Variants in HAUS7 observed in about 807,000 individuals in gnomAD.
The protein encoded by HAUS7 is HAUS augmin like complex subunit 7.
In HAUS7, 3 loss-of-function variants were observed where a neutral mutation model predicts 28.4. That is an observed-to-expected ratio of 0.11 (90% CI 0.05 to 0.27). The LOEUF (loss-of-function observed/expected upper bound fraction) is 0.27, where lower values mean the gene tolerates loss of function less well. HAUS7 is among the 10% of genes least tolerant of loss of function. The pLI, the probability that HAUS7 is intolerant of heterozygous loss-of-function variation, is 1.00. For missense variants in HAUS7, 284 were observed against 297.3 expected, an observed-to-expected ratio of 0.96 and a Z score of 0.33; for synonymous variants, 165 against 132.1, an observed-to-expected ratio of 1.25 and a Z score of -1.71.
At chrX:153,447,950 G>A (rs1556980366) in intron 9 of HAUS7, 41 bp from the exon 10 acceptor site, 2 of 1,063,516 alleles carry the variant, frequency 1.9e-6, no homozygotes, top group Non-Finnish European at 2.6e-6. Flanking sequence ...TGGTGGGAGT[G>A]TAAACTAGTT....
At chrX:153,491,596 C>T (rs2089671412) in intron 1 of HAUS7, among the ~76,000 whole-genome samples, 1 of 113,234 alleles carries the variant, frequency 8.8e-6, no homozygotes, top group South Asian at 3.6e-4. Flanking sequence ...TTCCAGCAGC[C>T]GTCCTGGGCG....
chrX:153,464,860 C>T (rs2089436553), intron 3 of HAUS7, 128 bp downstream of exon 3: 2 of 521,229 alleles, frequency 3.8e-6, no homozygotes, highest in Admixed American at 5.2e-5. Flanking sequence ...GGGTGGGGTT[C>T]AAGAAGGCTC....
upstream of HAUS7, among the ~76,000 whole-genome samples, chrX:153,475,198 C>G (rs2124164534): frequency 8.9e-6 from 1 of 112,412 alleles, no homozygotes; most frequent in Admixed American, 9.3e-5. Flanking sequence ...GAATTTCACA[C>G]GGGCAAAGAG....
intron 4 of HAUS7, among the ~76,000 whole-genome samples, chrX:153,457,820 A>G (rs1316312969): frequency 8.8e-6 from 1 of 113,292 alleles, no homozygotes; most frequent in African/African-American, 3.2e-5. Context: ...GGCTTCCGGA[A>G]GCACAGCTCT....
intron 1 of HAUS7, among the ~76,000 whole-genome samples, chrX:153,491,684 T>G (rs2089671979): frequency 8.8e-6 from 1 of 113,075 alleles, no homozygotes; most frequent in Non-Finnish European, 1.9e-5. Context: ...GAGACCACAG[T>G]GTGGCCTGGG....
chrX:153,449,065 T>C (rs2089205643), intron 9 of HAUS7, among the ~76,000 whole-genome samples: 1 of 112,088 alleles, frequency 8.9e-6, no homozygotes, highest in Admixed American at 9.4e-5. Flanking sequence ...TTATCTGCCA[T>C]GACCACATCT....
chrX:153,456,781 G>T, intron 5 of HAUS7, 130 bp from the exon 6 acceptor site: 1 of 524,111 alleles, frequency 1.9e-6, no homozygotes, highest in Non-Finnish European at 3.1e-6. Flanking sequence ...GCCCCACCGC[G>T]CAGAATCCTG....
intron 1 of HAUS7, among the ~76,000 whole-genome samples, chrX:153,490,431 A>ATGTG: frequency 8.9e-6 from 1 of 112,907 alleles, no homozygotes. Context: ...AAGCTTCCAG[A>ATGTG]GAGTGGAGGC....
At chrX:153,458,865 C>G (rs1242708646) in intron 4 of HAUS7, among the ~76,000 whole-genome samples, 8 of 111,906 alleles carry the variant, frequency 7.1e-5, no homozygotes, top group African/African-American at 2.6e-4. Flanking sequence ...TCTATGTGAT[C>G]CTCCCGCCTC....
At position 153,456,586 on chromosome X, in the gene HAUS7, C is replaced by A. The variant is rs2124088921; in HGVS notation, c.512G>T (p.Ser171Ile). 8.5e-7 allele frequency: 1 copy of A among 1,178,738 alleles called. No homozygotes were observed. The highest frequency in any genetic ancestry group is 1.9e-5 in the South Asian group (1 of 53,341). The change falls in exon 6 of 10, where the codon AGC becomes ATC. Residue 171 changes from serine (S) to isoleucine (I), a missense_variant. Ser to Ile is a moderately radical substitution (Grantham distance 142). Transcript: ENST00000370211. ...NEALLGELFS[S>I]PHLQMLLNPE... ...ATTCAGGAGCATCTGCAGGTGGGGG[C>A]TAGAGAAGAGCTCCCCCAGCAAGGC...
At chrX:153,488,190 A>G (rs1556988927) in intron 1 of HAUS7, among the ~76,000 whole-genome samples, 3 of 112,894 alleles carry the variant, frequency 2.7e-5, no homozygotes, top group South Asian at 3.6e-4. Context: ...AGCCTCCAGC[A>G]TGCCCCTCTG....
At chrX:153,475,017 G>A (rs1485810349), upstream of HAUS7, among the ~76,000 whole-genome samples, 2 of 111,798 alleles carry the variant, frequency 1.8e-5, no homozygotes, top group African/African-American at 6.5e-5. Flanking sequence ...CGGGGGAGGG[G>A]GCGCCCGCCT....
At chrX:153,491,057 G>A (rs1281650471) in intron 1 of HAUS7, among the ~76,000 whole-genome samples, 1 of 111,596 alleles carries the variant, frequency 9.0e-6, no homozygotes, top group African/African-American at 3.3e-5. Context: ...GGGGAGGTTC[G>A]TGTCCAGGCA....
chrX:153,491,891 G>A (rs183563928), intron 1 of HAUS7, among the ~76,000 whole-genome samples: 11 of 113,231 alleles, frequency 9.7e-5, no homozygotes, highest in Admixed American at 8.3e-4. Flanking sequence ...GGTGCCAGCA[G>A]GACCTTCTGG....
intron 1 of HAUS7, chrX:153,481,982 AG>A: frequency 3.3e-6 from 2 of 611,755 alleles, no homozygotes; most frequent in Non-Finnish European, 3.9e-6. Flanking sequence ...TGGGGCTGGC[AG>A]GTCCCAGGTG....
At chrX:153,452,844 C>T (rs184164629) in intron 9 of HAUS7, among the ~76,000 whole-genome samples, 15 of 111,373 alleles carry the variant, frequency 1.3e-4, no homozygotes, top group African/African-American at 3.6e-4. Flanking sequence ...ATTAGTCAGG[C>T]GTGGTGGTGA....
chrX:153,449,965 G>T (rs782351983), intron 9 of HAUS7, among the ~76,000 whole-genome samples: 2 of 112,471 alleles, frequency 1.8e-5, no homozygotes, highest in East Asian at 5.6e-4. Flanking sequence ...CGCACTGAGT[G>T]TATTCAGTGG....
chrX:153,460,373 T>C (rs1556983115), intron 4 of HAUS7, among the ~76,000 whole-genome samples: 2 of 111,825 alleles, frequency 1.8e-5, no homozygotes, highest in South Asian at 3.7e-4. Flanking sequence ...CACTAAATCG[T>C]ACGCTTTAAC....
In HAUS7 at chrX:153,462,614, A is replaced by G; in HGVS notation, c.350T>C (p.Leu117Pro). 8.3e-7 allele frequency: 1 copy of G among 1,197,851 alleles called. No individual in the cohort carries two copies. Among genetic ancestry groups the G allele is most frequent in the Non-Finnish European group, 1.1e-6 (1 of 882,361 alleles). The stretch of plus-strand genomic sequence containing the variant: ...AGCAGACAGAGGCCCTCTTACCTTG[A>G]GGAGCTCCTGGTCATCTGGCGCACA... Reference protein sequence around the residue: ...MLCAPDDQELLKGCACAQKQL... With the variant: ...MLCAPDDQELPKGCACAQKQL... Residue 117 changes from leucine to proline, a missense_variant, in exon 4 of 10, where the codon CTC becomes CCC. Coordinates refer to ENST00000370211, the MANE Select transcript of HAUS7 (RefSeq NM_001385482.1).
Sources: gnomAD v4.1 joint callset for allele counts (sites outside exome capture counted in the v4.1 genomes callset) on GRCh38, gnomAD v4.1.1 for gene constraint, MANE v1.5 for transcripts, NCBI Gene and HGNC (gene_info 2026-07-23, HGNC 2026-07-21) for gene names.